Variants in CSMD1 observed in about 807,000 individuals in gnomAD.
CSMD1 encodes the protein CUB and Sushi multiple domains 1, also known as CUB and sushi domain-containing protein 1.
Under a neutral mutation model 417.5 loss-of-function variants are expected in CSMD1, and 213 were observed. That is an observed-to-expected ratio of 0.51 (90% CI 0.46 to 0.57). The LOEUF (loss-of-function observed/expected upper bound fraction) is 0.57, where lower values mean the gene tolerates loss of function less well. CSMD1 is among the 20% of genes least tolerant of loss of function. CSMD1 has a pLI of 0.00. For missense variants in CSMD1, 6,923 were observed against 4,529.7 expected (o/e 1.53, Z -15.17); for synonymous variants, 2,862 against 1,736.8 (o/e 1.65, Z -16.11).
At chr8:4,834,092 A>G (rs892474419) in intron 1 of CSMD1, among the ~76,000 whole-genome samples, 1 of 152,226 alleles carries the variant, frequency 6.6e-6, no homozygotes, top group Non-Finnish European at 1.5e-5. Flanking sequence ...AGAGATATTC[A>G]AATGAATTCC....
intron 10 of CSMD1, among the ~76,000 whole-genome samples, chr8:3,497,725 G>C (rs967591463): frequency 9.2e-5 from 14 of 152,200 alleles, no homozygotes; most frequent in African/African-American, 3.1e-4. Context: ...TATGCACTTA[G>C]ATATTGCTTT....
chr8:3,213,993 G>A (rs1010004806), intron 30 of CSMD1, among the ~76,000 whole-genome samples: 3 of 151,718 alleles, frequency 2.0e-5, no homozygotes, highest in Non-Finnish European at 4.4e-5. Flanking sequence ...TCACAGGCAC[G>A]CACCACCACA....
chr8:3,468,644 C>T (rs1816917324), intron 12 of CSMD1, 68 bp downstream of exon 12: 1 of 957,352 alleles, frequency 1.0e-6, no homozygotes, highest in Non-Finnish European at 1.6e-6. Flanking sequence ...ACCTAACCAA[C>T]ACAGAATGCT....
chr8:3,808,194 C>T (rs988831099), intron 5 of CSMD1, among the ~76,000 whole-genome samples: 2 of 152,040 alleles, frequency 1.3e-5, no homozygotes, highest in Admixed American at 1.3e-4. Context: ...ATTGTTTTTG[C>T]AAAAACATCT....
chr8:4,376,148 C>T (rs13277882), intron 3 of CSMD1, among the ~76,000 whole-genome samples: 2 of 152,222 alleles, frequency 1.3e-5, no homozygotes, highest in African/African-American at 2.4e-5. Flanking sequence ...AAACTTTATG[C>T]TCTAACATCA....
intron 69 of CSMD1, among the ~76,000 whole-genome samples, chr8:2,940,943 T>C (rs1454870312): frequency 1.3e-5 from 2 of 152,208 alleles, no homozygotes; most frequent in East Asian, 1.9e-4. Context: ...TGAAAGAAGA[T>C]ACATTTTTGT....
chr8:4,940,542 T>A (rs1408410176), intron 1 of CSMD1, among the ~76,000 whole-genome samples: 1 of 152,168 alleles, frequency 6.6e-6, no homozygotes, highest in African/African-American at 2.4e-5. Context: ...AAACTGAAAA[T>A]TCATCCACAC....
chr8:3,293,689 A>C (rs1396411511), intron 25 of CSMD1, among the ~76,000 whole-genome samples: 1 of 152,154 alleles, frequency 6.6e-6, no homozygotes, highest in East Asian at 1.9e-4. Context: ...AGGTCCTTTA[A>C]GGACTTCTGT....
chr8:4,560,596 C>A (rs530474302), intron 2 of CSMD1, among the ~76,000 whole-genome samples: 172 of 152,336 alleles, frequency 1.1e-3, no homozygotes, highest in African/African-American at 3.7e-3. Flanking sequence ...ATGGCAGAGC[C>A]TCCCTGAAAG....
chr8:4,416,527 G>C (rs1298886909), intron 3 of CSMD1, among the ~76,000 whole-genome samples: 2 of 152,056 alleles, frequency 1.3e-5, no homozygotes, highest in Non-Finnish European at 2.9e-5. Context: ...GAGTCTAAGA[G>C]TTTTGATAAT....
At chr8:3,211,877 C>A (rs541868752) in intron 30 of CSMD1, among the ~76,000 whole-genome samples, 3 of 152,160 alleles carry the variant, frequency 2.0e-5, no homozygotes, top group South Asian at 2.1e-4. Context: ...CTGCCCAGGC[C>A]GCTCAGGATA....
chr8:3,192,928 T>C (rs1304735121), intron 33 of CSMD1, among the ~76,000 whole-genome samples: 2 of 124,326 alleles, frequency 1.6e-5, no homozygotes, highest in African/African-American at 2.7e-5. Flanking sequence ...AGTTGAATAA[T>C]GGCATGAAGA....
intron 3 of CSMD1, among the ~76,000 whole-genome samples, chr8:4,330,522 A>T (rs1386025548): frequency 6.6e-6 from 1 of 151,690 alleles, no homozygotes; most frequent in Admixed American, 6.6e-5. Context: ...CCGAGGAGGC[A>T]GAGGTTACAG....
At chr8:4,371,933 A>T (rs922197874) in intron 3 of CSMD1, among the ~76,000 whole-genome samples, 2 of 152,218 alleles carry the variant, frequency 1.3e-5, no homozygotes, top group African/African-American at 4.8e-5. Flanking sequence ...AGTAATGATG[A>T]CGAAAAGTGG....
chr8:3,090,085 C>G (rs1290694540), intron 48 of CSMD1, among the ~76,000 whole-genome samples: 1 of 151,604 alleles, frequency 6.6e-6, no homozygotes, highest in African/African-American at 2.4e-5. Flanking sequence ...GAGGCCGAGG[C>G]GGCCGGATCA....
At chr8:3,797,753 G>A (rs1277535562) in intron 5 of CSMD1, among the ~76,000 whole-genome samples, 2 of 151,828 alleles carry the variant, frequency 1.3e-5, no homozygotes, top group African/African-American at 2.4e-5. Context: ...TTGTGGACAC[G>A]TATTTTCATT....
At chr8:4,186,103 T>C (rs3849838) in intron 3 of CSMD1, among the ~76,000 whole-genome samples, 112 of 152,070 alleles carry the variant, frequency 7.4e-4, no homozygotes, top group African/African-American at 2.4e-3. Flanking sequence ...CCTCTTTGAT[T>C]GGGCCATGCC....
intron 2 of CSMD1, among the ~76,000 whole-genome samples, chr8:4,449,185 T>C (rs1798986698): frequency 6.6e-6 from 1 of 152,000 alleles, no homozygotes; most frequent in African/African-American, 2.4e-5. Flanking sequence ...AGCAAGTACA[T>C]TCTTCTACAA....
chr8:3,325,066 T>C (rs1806438605), intron 23 of CSMD1, among the ~76,000 whole-genome samples: 2 of 152,236 alleles, frequency 1.3e-5, no homozygotes, highest in Non-Finnish European at 2.9e-5. Context: ...AATAACAATT[T>C]TGAATCTGAA....
Sources: allele counts gnomAD v4.1 joint callset (sites outside exome capture counted in the v4.1 genomes callset), GRCh38; gene constraint gnomAD v4.1.1; transcripts MANE v1.5; gene names NCBI Gene and HGNC (gene_info 2026-07-23, HGNC 2026-07-21).